The following RFX2 variants were observed in gnomAD, a reference collection of about 807,000 sequenced individuals.
RFX2 encodes DNA-binding protein RFX2.
Under a neutral mutation model 87.8 loss-of-function variants are expected in RFX2, and 20 were observed. The ratio of observed to expected loss-of-function variants is 0.23; its 90% CI spans 0.16 to 0.33. The LOEUF (loss-of-function observed/expected upper bound fraction) is 0.33, where lower values mean the gene tolerates loss of function less well. Ranked by LOEUF, RFX2 falls within the 10% of genes least tolerant of loss-of-function variation. The pLI, the probability that RFX2 is intolerant of heterozygous loss-of-function variation, is 1.00. For missense variants in RFX2, 767 were observed against 1,012.3 expected (o/e 0.76, Z 3.29); for synonymous variants, 397 against 431.3 (o/e 0.92, Z 0.98).
intron 6 of RFX2, chr19:6,019,800 ATGT>A (rs2086784704): frequency 1.3e-5 from 2 of 151,926 alleles, no homozygotes; most frequent in African/African-American, 2.4e-5. Flanking sequence ...CGGATTTGTC[ATGT>A]GTGCTGATTG....
intron 1 of RFX2, among the ~76,000 whole-genome samples, chr19:6,065,574 G>A (rs1205042895): frequency 1.3e-5 from 2 of 152,176 alleles, no homozygotes; most frequent in Admixed American, 6.5e-5. Context: ...GTGAACCCGG[G>A]AGGCGGAGCT....
At chr19:6,032,265 G>T (rs2086962959) in intron 5 of RFX2, among the ~76,000 whole-genome samples, 1 of 152,096 alleles carries the variant, frequency 6.6e-6, no homozygotes, top group African/African-American at 2.4e-5. Flanking sequence ...GAGACTACAG[G>T]TGCGTGCCAC....
At chr19:6,091,356 A>T (rs1347024095) in intron 1 of RFX2, among the ~76,000 whole-genome samples, 1 of 151,456 alleles carries the variant, frequency 6.6e-6, no homozygotes, top group African/African-American at 2.4e-5. Context: ...GGTGGCGTGC[A>T]CCTATAGTCC....
Position 6,059,271 on chromosome 19 carries a change from C to T in RFX2, c.-8-11767G>A, listed in dbSNP as rs561804847. ...CTGGGATTACAGGTGTGAGCCATCACGCCTGGCCTTGATTTGACTATTAAT... is the reference window on the plus strand; with the variant it reads ...CTGGGATTACAGGTGTGAGCCATCATGCCTGGCCTTGATTTGACTATTAAT... On this transcript the variant is annotated intron_variant, in intron 1 of 17. Coordinates refer to ENST00000303657, the MANE Select transcript of RFX2 (RefSeq NM_000635.4). Among the ~76,000 whole-genome samples, 61 of 152,166 alleles carry T rather than the reference C, an allele frequency of 4.0e-4. 1 individual carries two copies. Among genetic ancestry groups the T allele is most frequent in the Admixed American group, 2.2e-3 (33 of 15,274 alleles).
chr19:6,014,836 C>T (rs2086703833), intron 7 of RFX2, among the ~76,000 whole-genome samples: 1 of 152,164 alleles, frequency 6.6e-6, no homozygotes, highest in African/African-American at 2.4e-5. Flanking sequence ...GGACTCTGGT[C>T]CTCGTGGATC....
chr19:5,997,098 C>T lies in RFX2; in HGVS notation c.1975G>A (p.Glu659Lys), dbSNP rs757994512. 3.7e-6 allele frequency: 6 copies of T among 1,613,258 alleles called. No individual in the cohort carries two copies. The highest frequency in any genetic ancestry group is 2.2e-5 in the East Asian group (1 of 44,878). Residue 659 changes from glutamate (E) to lysine (K), a missense_variant, in exon 16 of 18, where the codon GAG (glutamate) becomes AAG (lysine). Physicochemically the swap from Glu to Lys is moderately conservative, Grantham distance 56. This residue lies in a region of RFX2 where 621 missense variants were observed against 873.0 expected (regional missense o/e 0.71). Transcript: ENST00000303657. The surrounding 1 kb of genome is among the most constrained non-coding windows in gnomAD (Gnocchi z 4.2). ...MFYLVEHRVA[E>K]ATGETPIAVM... ...GCGATCGGCGTCTCTCCGGTGGCCT[C>T]CGCGACGCGGTGCTCCACCAGGTAG...
intron 12 of RFX2, among the ~76,000 whole-genome samples, 173 bp downstream of exon 12, chr19:6,006,839 G>A (rs978165969): frequency 9.9e-5 from 15 of 151,570 alleles, no homozygotes; most frequent in Non-Finnish European, 1.6e-4. Flanking sequence ...CGATTTGTCT[G>A]CCTCAGCCTC....
In RFX2 at chr19:6,071,211, C is replaced by T. The variant is rs1430571820; in HGVS notation, c.-8-23707G>A. Reference sequence around the variant, plus strand: ...AAAATGCATTTCTTGCTAAGTCATGCTCGAATTATGCAAGATTGCAAGGAA... The same window carrying T: ...AAAATGCATTTCTTGCTAAGTCATGTTCGAATTATGCAAGATTGCAAGGAA... On this transcript the variant is annotated intron_variant, in intron 1 of 17. Transcript: ENST00000303657. Among the ~76,000 whole-genome samples the T allele has an allele frequency of 2.0e-5, 3 of 152,182 alleles. No individual in the cohort carries two copies. In the East Asian group the frequency reaches 5.8e-4, roughly 29 times the overall value.
chr19:6,076,082 A>G (rs1156809077), intron 1 of RFX2, among the ~76,000 whole-genome samples: 1 of 152,200 alleles, frequency 6.6e-6, no homozygotes, highest in East Asian at 1.9e-4. Flanking sequence ...TCATGCCTGT[A>G]ATCCCAGCAC....
intron 13 of RFX2, among the ~76,000 whole-genome samples, chr19:6,003,877 A>G (rs976397980): frequency 4.6e-5 from 7 of 151,986 alleles, no homozygotes; most frequent in African/African-American, 1.7e-4. Flanking sequence ...TACATTTCAA[A>G]TTCGACTGAT....
At chr19:6,006,895 T>G in intron 12 of RFX2, 117 bp downstream of exon 12, 10 of 1,236,140 alleles carry the variant, frequency 8.1e-6, no homozygotes, top group South Asian at 1.4e-5. Context: ...CCCGGCCACT[T>G]TTGGGTTTTC....
intron 1 of RFX2, chr19:6,076,926 A>C (rs1042717784): frequency 6.6e-6 from 1 of 152,206 alleles, no homozygotes; most frequent in African/African-American, 2.4e-5. Context: ...CATCTTGCCA[A>C]ATGTGGCAGC....
chr19:6,085,553 T>G (rs1284866809), intron 1 of RFX2, among the ~76,000 whole-genome samples: 1 of 152,234 alleles, frequency 6.6e-6, no homozygotes, highest in Non-Finnish European at 1.5e-5. Flanking sequence ...TTTCTTCCAT[T>G]CCTTGGGTTG....
chr19:6,088,792 G>A (rs588236), intron 1 of RFX2, among the ~76,000 whole-genome samples: 2,344 of 152,272 alleles, frequency 0.015, 49 homozygotes, highest in African/African-American at 0.053. Flanking sequence ...GGGGTGGCAA[G>A]CTTTTTTTGT....
chr19:6,025,123 C>T (rs1389446807), intron 6 of RFX2, among the ~76,000 whole-genome samples: 1 of 152,212 alleles, frequency 6.6e-6, no homozygotes, highest in African/African-American at 2.4e-5. Context: ...AGATGCCGAA[C>T]ACATTTCCAG....
intron 1 of RFX2, among the ~76,000 whole-genome samples, chr19:6,079,112 G>A (rs918090055): frequency 2.6e-5 from 4 of 152,162 alleles, no homozygotes; most frequent in African/African-American, 9.7e-5. Flanking sequence ...GTAATTCATT[G>A]GTAAACATTC....
rs76229048 is a variant in RFX2 at position 6,017,549 on chromosome 19, C to T, written c.598-1278G>A. On this transcript the variant is annotated intron_variant, in intron 6 of 17. Coordinates refer to ENST00000303657, the MANE Select transcript of RFX2 (RefSeq NM_000635.4). The surrounding 1 kb of genome is among the most constrained non-coding windows in gnomAD (Gnocchi z 4.1). ...GATTTGCAGAAAGACAGGAATTCCACGCACAGAAGCGAGGCCCGAGTCCAG... is the reference window on the plus strand; with the variant it reads ...GATTTGCAGAAAGACAGGAATTCCATGCACAGAAGCGAGGCCCGAGTCCAG... Among the ~76,000 whole-genome samples the T allele has an allele frequency of 9.0e-3, 1,368 of 152,378 alleles. 12 individuals carry two copies. Among genetic ancestry groups the T allele is most frequent in the Non-Finnish European group, 0.013 (879 of 68,040 alleles).
At position 6,074,038 on chromosome 19, in the gene RFX2, A is replaced by G. The variant is rs2087647479; in HGVS notation, c.-8-26534T>C. On this transcript the variant is annotated intron_variant, in intron 1 of 17. Transcript: ENST00000303657. The surrounding 1 kb of genome is among the most constrained non-coding windows in gnomAD (Gnocchi z 5.2). Reference sequence around the variant, plus strand: ...GCCCCCAGACAGGCCGGCCCTGGGTAGCAGGAACTCGTTCTGCCCCAGCTG... The same window carrying G: ...GCCCCCAGACAGGCCGGCCCTGGGTGGCAGGAACTCGTTCTGCCCCAGCTG... 6.6e-6 allele frequency among the ~76,000 whole-genome samples: 1 copy of G among 152,228 alleles called. No homozygotes were observed.
intron 1 of RFX2, among the ~76,000 whole-genome samples, chr19:6,099,254 A>G (rs1324919282): frequency 6.6e-6 from 1 of 152,160 alleles, no homozygotes; most frequent in African/African-American, 2.4e-5. Context: ...TCCACTGTGT[A>G]CTCAGCTCCT....
Sources: gnomAD v4.1 joint callset for allele counts (sites outside exome capture counted in the v4.1 genomes callset) on GRCh38, gnomAD v4.1.1 for gene constraint, gnomAD v4.1.1 regional missense constraint, Gnocchi (gnomAD v3.1) non-coding constraint, MANE v1.5 for transcripts, NCBI Gene and HGNC (gene_info 2026-07-23, HGNC 2026-07-21) for gene names.